Variants in PLIN3 observed in about 807,000 individuals in gnomAD.
PLIN3 encodes perilipin-3.
Under a neutral mutation model 35.9 loss-of-function variants are expected in PLIN3, and 30 were observed. The ratio of observed to expected loss-of-function variants is 0.84; its 90% CI spans 0.62 to 1.13. PLIN3 has a LOEUF of 1.13. Ranked by LOEUF, PLIN3 falls within the 50% of genes most tolerant of loss-of-function variation. PLIN3 has a pLI of 0.00. For synonymous variants in PLIN3, 261 were observed against 262.5 expected (o/e 0.99, Z 0.06); for missense variants, 603 against 596.9 (o/e 1.01, Z -0.11).
At position 4,853,332 on chromosome 19, in the gene PLIN3, T is replaced by C. The variant is rs185125224; in HGVS notation, c.349-1031A>G. Among the ~76,000 whole-genome samples, 1,315 of 151,970 alleles carry C rather than the reference T, an allele frequency of 8.7e-3. 20 individuals are homozygous for C. The highest frequency in any genetic ancestry group is 0.029 in the African/African-American group (1,208 of 41,448). On this transcript the variant is annotated intron_variant, in intron 4 of 7. Coordinates refer to ENST00000221957, the MANE Select transcript of PLIN3 (RefSeq NM_005817.5). ...TTTATCTTTTATTTTTATTTATTTA[T>C]TAATTTTTTTGAGGCGGAGTTTCAC...
At chr19:4,851,058 G>A (rs1048408340) in intron 5 of PLIN3, among the ~76,000 whole-genome samples, 20 of 152,072 alleles carry the variant, frequency 1.3e-4, no homozygotes, top group African/African-American at 4.3e-4. Flanking sequence ...CCAGCTACTC[G>A]GAGGCTGAGA....
In PLIN3 at chr19:4,852,264, A is replaced by G; in HGVS notation, c.386T>C (p.Val129Ala). 6.2e-7 allele frequency: 1 copy of G among 1,605,334 alleles called. No individual in the cohort carries two copies. The highest frequency in any genetic ancestry group is 8.5e-7 in the Non-Finnish European group (1 of 1,179,952). The change falls in exon 5 of 8, where the codon GTG becomes GCG. Residue 129 changes from valine to alanine, a missense_variant. Val to Ala is a moderately conservative substitution (Grantham distance 64, BLOSUM62 0). Coordinates refer to ENST00000221957, the MANE Select transcript of PLIN3 (RefSeq NM_005817.5). ...ADTKELVSSK[V>A]SGAQEMVSSA... ...AGACACCATCTCTTGGGCCCCCGAC[A>G]CCTTAGACGACACAAGCTCCTTGGT... is the stretch of plus-strand genomic sequence containing the variant.
At chr19:4,848,006 T>C in intron 5 of PLIN3, 116 bp from the exon 6 acceptor site, 1 of 799,172 alleles carries the variant, frequency 1.3e-6, no homozygotes. Context: ...TATTTAGAGA[T>C]GGAGTCTCGC....
At chr19:4,844,958 C>T (rs1178190392) in intron 6 of PLIN3, among the ~76,000 whole-genome samples, 165 bp from the exon 7 acceptor site, 1 of 152,134 alleles carries the variant, frequency 6.6e-6, no homozygotes, top group Admixed American at 6.6e-5. Flanking sequence ...GCTCTGGGGC[C>T]TTTGGTTTAA....
chr19:4,859,803 G>A, intron 3 of PLIN3, 23 bp downstream of exon 3: 1 of 1,611,676 alleles, frequency 6.2e-7, no homozygotes, highest in Middle Eastern at 1.8e-4. Context: ...GGGGAATTCA[G>A]TGCCCCCTGG....
At position 4,850,059 on chromosome 19, in the gene PLIN3, C is replaced by T. The variant is rs1051218045; in HGVS notation, c.634+1957G>A. Among the ~76,000 whole-genome samples, 4 of 151,786 alleles carry T rather than the reference C, an allele frequency of 2.6e-5. No homozygotes were observed. The Admixed American group carries it at 2.6e-4, about 10-fold the overall frequency. On this transcript the variant is annotated intron_variant, in intron 5 of 7. Transcript: ENST00000221957. ...CTCCCAGATTCAAGCCATTCTCTTG[C>T]CTCAGCCTCCCGAGTTAGCTGGGAT...
chr19:4,856,951 A>G (rs1599170795), intron 4 of PLIN3, among the ~76,000 whole-genome samples: 2 of 152,018 alleles, frequency 1.3e-5, no homozygotes, highest in East Asian at 3.9e-4. Context: ...AGTGATCTGC[A>G]CGCTTCGGCC....
chr19:4,859,514 T>C, intron 4 of PLIN3, 76 bp downstream of exon 4: 1 of 1,255,884 alleles, frequency 8.0e-7, no homozygotes, highest in Non-Finnish European at 1.2e-6. Context: ...GCTTGTCTAG[T>C]TAAGCTGGGA....
At chr19:4,864,217 ATTTCGGCTCACTGTAACCTCCGC>A (rs1318004555) in intron 1 of PLIN3, among the ~76,000 whole-genome samples, 1 of 146,322 alleles carries the variant, frequency 6.8e-6, no homozygotes, top group Non-Finnish European at 1.5e-5. Flanking sequence ...CAGTGGCGTG[ATTTCGGCTCACTGTAACCTCCGC>A]CTTCTGGGTT....
rs189286344 is a variant in PLIN3, at chr19:4,863,151, C to T, written c.-17-1740G>A. Among the ~76,000 whole-genome samples, 170 of 150,020 alleles carry T rather than the reference C, an allele frequency of 1.1e-3. 1 individual carries two copies. The highest frequency in any genetic ancestry group is 3.8e-3 in the African/African-American group (155 of 40,868). On this transcript the variant is annotated intron_variant, in intron 1 of 7. Coordinates refer to ENST00000221957, the MANE Select transcript of PLIN3 (RefSeq NM_005817.5). ...CAGCCTGGGCAACAGAGTGAGACTC[C>T]GTCTCAAAACACAAAAACAAAAATA...
chr19:4,848,428 G>A (rs1218683479), intron 5 of PLIN3, among the ~76,000 whole-genome samples: 1 of 152,224 alleles, frequency 6.6e-6, no homozygotes. Context: ...AGACTAGCAG[G>A]AGGGTCTCAA....
intron 7 of PLIN3, among the ~76,000 whole-genome samples, chr19:4,843,063 AG>A (rs1290264719): frequency 1.8e-4 from 27 of 151,750 alleles, no homozygotes; most frequent in Non-Finnish European, 2.8e-4. Context: ...TCTACTAAAA[AG>A]TACAAAAATT....
chr19:4,852,137 G>A lies in PLIN3; in HGVS notation c.513C>T (p.Gly171=), dbSNP rs149529848. ...GGGAGCCCATGACCGATTGGACGCC[G>A]CCGGTCACTACGGACTTTGTCTTGT... ...GVDKTKSVVT[G]GVQSVMGSRL... Residue 171 remains glycine, a synonymous_variant, in exon 5 of 8, where the codon GGC becomes GGT. Transcript: ENST00000221957. 2.5e-5 allele frequency: 41 copies of A among 1,613,906 alleles called. No homozygotes were observed. Among genetic ancestry groups the A allele is most frequent in the African/African-American group, 4.0e-5 (3 of 74,908 alleles).
intron 4 of PLIN3, among the ~76,000 whole-genome samples, chr19:4,858,040 C>T (rs1479622168): frequency 6.6e-6 from 1 of 150,908 alleles, no homozygotes; most frequent in Non-Finnish European, 1.5e-5. Context: ...TTTGGGAGGC[C>T]GAGGCGGGAG....
chr19:4,839,822 C>T (rs1248363441), intron 7 of PLIN3, among the ~76,000 whole-genome samples: 2 of 151,688 alleles, frequency 1.3e-5, no homozygotes, highest in Non-Finnish European at 2.9e-5. Context: ...CCCACCACCA[C>T]GCCAGGCTAA....
chr19:4,862,383 C>T (rs890200603), intron 1 of PLIN3, among the ~76,000 whole-genome samples: 7 of 151,682 alleles, frequency 4.6e-5, no homozygotes, highest in Non-Finnish European at 8.8e-5. Context: ...CCGCCCGCCT[C>T]GGCCTCCCAA....
In PLIN3 at chr19:4,839,043, C is replaced by T. The variant is rs907474414; in HGVS notation, c.*149G>A. 3.3e-6 allele frequency: 2 copies of T among 600,010 alleles called. No individual in the cohort carries two copies. The highest frequency in any genetic ancestry group is 2.8e-6 in the Non-Finnish European group (1 of 353,514). 37.2% of individuals were successfully genotyped at this position (600,010 alleles called of 1,614,324 possible). ...AGAGATGGGTCAACTGGGTGATGCC[C>T]GTTTTGAGAGCCTTAGCTTCCCAAG... On this transcript the variant is annotated 3_prime_UTR_variant, in exon 8 of 8. Coordinates refer to ENST00000221957, the MANE Select transcript of PLIN3 (RefSeq NM_005817.5).
Position 4,839,241 on chromosome 19 carries a change from C to T in PLIN3, c.1256G>A (p.Gly419Glu), listed in dbSNP as rs754557820. Residue 419 changes from glycine to glutamate, a missense_variant, in exon 8 of 8, where the codon GGA becomes GAA. Coordinates refer to ENST00000221957, the MANE Select transcript of PLIN3 (RefSeq NM_005817.5). ...CTCAGTGATTCCAGGGGCAAAGGGTCCCACGAGCCACGTGACAGGTGTGTT... is the reference window on the plus strand; with the variant it reads ...CTCAGTGATTCCAGGGGCAAAGGGTTCCACGAGCCACGTGACAGGTGTGTT... ...AQNTPVTWLV[G>E]PFAPGITEKA... is the part of the protein sequence containing the mutation. 1 of 1,611,502 alleles carries T rather than the reference C, an allele frequency of 6.2e-7. No homozygotes were observed. The highest frequency in any genetic ancestry group is 1.1e-5 in the South Asian group (1 of 91,042).
chr19:4,846,971 T>C (rs1428574534), intron 6 of PLIN3, among the ~76,000 whole-genome samples: 2 of 149,516 alleles, frequency 1.3e-5, no homozygotes, highest in African/African-American at 4.9e-5. Flanking sequence ...CTCACTGCAA[T>C]CTCTGCCGCC....
Sources: gnomAD v4.1 joint callset for allele counts (sites outside exome capture counted in the v4.1 genomes callset) on GRCh38, gnomAD v4.1.1 for gene constraint, MANE v1.5 for transcripts, NCBI Gene and HGNC (gene_info 2026-07-23, HGNC 2026-07-21) for gene names.